CCNT2: variants seen among roughly 807,000 people sequenced by gnomAD.
CCNT2 encodes cyclin-T2.
CCNT2 carries 18 observed loss-of-function variants against 70.0 expected under a neutral mutation model. That is an observed-to-expected ratio of 0.26 (90% CI 0.18 to 0.38). The LOEUF (loss-of-function observed/expected upper bound fraction) is 0.38, where lower values mean the gene tolerates loss of function less well. CCNT2 is among the 10% of genes least tolerant of loss of function. The pLI is 1.00. For missense variants in CCNT2, 734 were observed against 890.2 expected (o/e 0.82, Z 2.23); for synonymous variants, 334 against 313.3 (o/e 1.07, Z -0.70).
chr2:134,953,956 A>G lies in CCNT2; in HGVS notation c.1501A>G (p.Lys501Glu). Residue 501 changes from lysine to glutamate, a missense_variant, in exon 9 of 9, where the codon AAG (lysine) becomes GAG (glutamate). Physicochemically the swap from Lys to Glu is moderately conservative, Grantham distance 56 (BLOSUM62 1). Coordinates refer to ENST00000264157, the MANE Select transcript of CCNT2 (RefSeq NM_058241.3). ...TEKYMADKKE[K>E]SGSLKLRIPI... is the part of the protein sequence containing the mutation. The stretch of plus-strand genomic sequence containing the variant: ...AAAATACATGGCAGACAAAAAGGAA[A>G]AGAGTGGGTCACTGAAATTACGGAT... 6.2e-7 allele frequency: 1 copy of G among 1,614,160 alleles called. No homozygotes were observed. Among genetic ancestry groups the G allele is most frequent in the African/African-American group, 1.3e-5 (1 of 75,040 alleles).
rs1573877268 is a variant in CCNT2 at position 134,956,256 on chromosome 2, A to G, written c.*1608A>G. 6.6e-6 allele frequency: 1 copy of G among 152,594 alleles called. No individual in the cohort carries two copies. The highest frequency in any genetic ancestry group is 1.5e-5 in the Non-Finnish European group (1 of 68,020). 9.5% of individuals were successfully genotyped at this position (152,594 alleles called of 1,614,324 possible). On this transcript the variant is annotated 3_prime_UTR_variant, in exon 9 of 9. Transcript: ENST00000264157. ...ATATTAGAGTTTAATCTCATGCTCT[A>G]CCTTTATTTAGCAATTACCTAATTT...
At chr2:134,923,922 A>G (rs554633123) in intron 2 of CCNT2, among the ~76,000 whole-genome samples, 7 of 152,228 alleles carry the variant, frequency 4.6e-5, no homozygotes, top group Non-Finnish European at 7.3e-5. Flanking sequence ...TAAACAATGA[A>G]AAAACCTCAG....
chr2:134,924,910 G>GT (rs1336903319), intron 2 of CCNT2, among the ~76,000 whole-genome samples: 3 of 152,166 alleles, frequency 2.0e-5, no homozygotes, highest in Non-Finnish European at 4.4e-5. Flanking sequence ...AGTTGTAGCT[G>GT]TTGAAGGACC....
intron 2 of CCNT2, 52 bp from the exon 3 acceptor site, chr2:134,936,788 GT>G: frequency 6.6e-7 from 1 of 1,510,518 alleles, no homozygotes; most frequent in Non-Finnish European, 9.0e-7. Context: ...AAAATAGAGG[GT>G]TTTTTGAAAT....
At chr2:134,931,874 T>A (rs968148468) in intron 2 of CCNT2, among the ~76,000 whole-genome samples, 13 of 151,968 alleles carry the variant, frequency 8.6e-5, no homozygotes, top group Non-Finnish European at 1.6e-4. Context: ...AGCTGGGACT[T>A]AGAGTGGTAT....
chr2:134,941,847 T>G (rs1681606371), intron 4 of CCNT2, among the ~76,000 whole-genome samples: 1 of 152,180 alleles, frequency 6.6e-6, no homozygotes. Flanking sequence ...CTCTATGGCT[T>G]TAAAGTATTC....
intron 2 of CCNT2, among the ~76,000 whole-genome samples, chr2:134,926,532 A>C (rs1680312843): frequency 6.6e-6 from 1 of 152,186 alleles, no homozygotes; most frequent in African/African-American, 2.4e-5. Flanking sequence ...CGGTCTTTTA[A>C]TCCTTACTGT....
chr2:134,933,585 T>G (rs1200090600), intron 2 of CCNT2, among the ~76,000 whole-genome samples: 1 of 152,144 alleles, frequency 6.6e-6, no homozygotes, highest in Non-Finnish European at 1.5e-5. Context: ...AATATGGATG[T>G]AAATCACTGA....
intron 8 of CCNT2, chr2:134,952,946 T>G (rs1682636192): frequency 2.1e-6 from 1 of 485,356 alleles, no homozygotes; most frequent in East Asian, 3.3e-5. Flanking sequence ...CCTCTTCATT[T>G]TACAAATGGG....
chr2:134,942,378 A>G (rs1371671964), intron 4 of CCNT2, among the ~76,000 whole-genome samples: 1 of 152,184 alleles, frequency 6.6e-6, no homozygotes, highest in Non-Finnish European at 1.5e-5. Context: ...ATCATTTATA[A>G]TTCAGAATTT....
intron 2 of CCNT2, among the ~76,000 whole-genome samples, chr2:134,935,967 C>G (rs6743206): frequency 0.15 from 23,326 of 151,812 alleles, 2,225 homozygotes; most frequent in Middle Eastern, 0.43. Context: ...CAGAATCCTC[C>G]TTACTTTGCC....
chr2:134,952,729 G>A lies in CCNT2; in HGVS notation c.774+18G>A. 2 of 1,578,178 alleles carry A rather than the reference G, an allele frequency of 1.3e-6. No individual in the cohort carries two copies. The highest frequency in any genetic ancestry group is 1.7e-4 in the Middle Eastern group (1 of 5,986). On this transcript the variant is annotated intron_variant, in intron 8 of 8. Coordinates refer to ENST00000264157, the MANE Select transcript of CCNT2 (RefSeq NM_058241.3). Reference sequence around the variant, plus strand: ...ACTGGAGGGTAAGAGAATTGACAGGGTTTAACAGAATTTCAGTCTTTTATG... The same window carrying A: ...ACTGGAGGGTAAGAGAATTGACAGGATTTAACAGAATTTCAGTCTTTTATG...
intron 7 of CCNT2, among the ~76,000 whole-genome samples, chr2:134,949,674 G>T (rs1366259472): frequency 6.6e-6 from 1 of 152,222 alleles, no homozygotes; most frequent in East Asian, 1.9e-4. Context: ...AGTCTTCAAT[G>T]AGTTGAAATG....
rs1553520520 is a variant in CCNT2 at position 134,929,635 on chromosome 2, G to GA, written c.241-7204dup. Among the ~76,000 whole-genome samples the GA allele has an allele frequency of 1.5e-5, 2 of 129,900 alleles. 1 individual carries two copies. The highest frequency in any genetic ancestry group is 5.3e-4 in the East Asian group (2 of 3,760). The allele number at this position is 129,900 out of a possible 152,430, so 85.2% of individuals were successfully genotyped here. ...AAACAGAGAGAGAGAGAGAGAGAGA[G>GA]AACTAATAAATAGATGCCTTTTTTT... is the stretch of plus-strand genomic sequence containing the variant. On this transcript the variant is annotated intron_variant, in intron 2 of 8. Coordinates refer to ENST00000264157, the MANE Select transcript of CCNT2 (RefSeq NM_058241.3).
intron 4 of CCNT2, among the ~76,000 whole-genome samples, chr2:134,939,686 G>C (rs1184213726): frequency 1.3e-5 from 2 of 152,090 alleles, no homozygotes; most frequent in Non-Finnish European, 2.9e-5. Context: ...GGCTGGACAT[G>C]AACTCCTGAG....
chr2:134,925,454 C>T (rs966497110), intron 2 of CCNT2, among the ~76,000 whole-genome samples: 1 of 152,026 alleles, frequency 6.6e-6, no homozygotes, highest in Non-Finnish European at 1.5e-5. Flanking sequence ...CCCCCAACCC[C>T]GCAGTCATTT....
intron 6 of CCNT2, 26 bp from the exon 7 acceptor site, chr2:134,947,710 C>G: frequency 7.1e-7 from 1 of 1,399,096 alleles, no homozygotes; most frequent in Non-Finnish European, 9.4e-7. Flanking sequence ...TTATGGCTCT[C>G]CATTTTCAAA....
chr2:134,945,917 A>T, intron 5 of CCNT2, 184 bp from the exon 6 acceptor site: 1 of 1,530,186 alleles, frequency 6.5e-7, no homozygotes, highest in Non-Finnish European at 8.8e-7. Flanking sequence ...GAAACATTTG[A>T]GTGAATGTTG....
chr2:134,924,422 G>A (rs1205902042), intron 2 of CCNT2, among the ~76,000 whole-genome samples: 2 of 152,150 alleles, frequency 1.3e-5, no homozygotes, highest in South Asian at 2.1e-4. Flanking sequence ...ACTCAGTGTC[G>A]ATCCCCTCCC....
Sources: gnomAD v4.1 joint callset for allele counts (sites outside exome capture counted in the v4.1 genomes callset) on GRCh38, gnomAD v4.1.1 for gene constraint, MANE v1.5 for transcripts, NCBI Gene and HGNC (gene_info 2026-07-23, HGNC 2026-07-21) for gene names.